RAMP3: variants seen among roughly 807,000 people sequenced by gnomAD.
The protein encoded by RAMP3 is receptor activity-modifying protein 3.
Under a neutral mutation model 13.5 loss-of-function variants are expected in RAMP3, and 14 were observed. The ratio of observed to expected loss-of-function variants is 1.04; its 90% CI spans 0.69 to 1.63. The LOEUF is 1.63. RAMP3 is among the 40% of genes most tolerant of loss of function. The pLI, the probability that RAMP3 is intolerant of heterozygous loss-of-function variation, is 0.00. For missense variants in RAMP3, 200 were observed against 204.8 expected, an observed-to-expected ratio of 0.98 and a Z score of 0.14; for synonymous variants, 106 against 88.3, an observed-to-expected ratio of 1.20 and a Z score of -1.12.
intron 1 of RAMP3, among the ~76,000 whole-genome samples, chr7:45,166,506 AT>A (rs1334368393): frequency 2.0e-5 from 3 of 151,938 alleles, no homozygotes; most frequent in Non-Finnish European, 2.9e-5. Context: ...TAATTGCTTT[AT>A]TTTTCCCTTT....
chr7:45,182,324 G>A (rs995088657), intron 2 of RAMP3, among the ~76,000 whole-genome samples: 4 of 152,184 alleles, frequency 2.6e-5, no homozygotes, highest in African/African-American at 9.6e-5. Flanking sequence ...TCCTGAATGA[G>A]TGGCTGCCAC....
chr7:45,157,945 G>A, intron 1 of RAMP3, 59 bp downstream of exon 1: 1 of 1,298,130 alleles, frequency 7.7e-7, no homozygotes, highest in Non-Finnish European at 9.8e-7. Flanking sequence ...CACCGGACCC[G>A]GGTGGACCCG....
chr7:45,170,143 T>C (rs1370146302), intron 1 of RAMP3, among the ~76,000 whole-genome samples: 1 of 127,574 alleles, frequency 7.8e-6, no homozygotes, highest in African/African-American at 3.3e-5. Context: ...TGTTGATCTT[T>C]TAAAAGCTTT....
chr7:45,175,239 G>A (rs751064162), intron 1 of RAMP3, among the ~76,000 whole-genome samples: 3 of 152,314 alleles, frequency 2.0e-5, no homozygotes, highest in Non-Finnish European at 4.4e-5. Flanking sequence ...TGAAACACCT[G>A]TTCTGGGAGA....
At position 45,171,550 on chromosome 7, in the gene RAMP3, T is replaced by C. The variant is rs906771329; in HGVS notation, c.59-5759T>C. On this transcript the variant is annotated intron_variant, in intron 1 of 2. Transcript: ENST00000242249. ...AGGCTTTAACAAAGTCTCATGTCTT[T>C]TTTGATTTTTTTTCTTTTTTTAAAA... Among the ~76,000 whole-genome samples the C allele has an allele frequency of 4.7e-4, 71 of 152,256 alleles. 1 individual carries two copies. The highest frequency in any genetic ancestry group is 1.3e-3 in the African/African-American group (56 of 41,578).
chr7:45,174,379 G>A (rs952417147), intron 1 of RAMP3, among the ~76,000 whole-genome samples: 12 of 152,144 alleles, frequency 7.9e-5, no homozygotes, highest in African/African-American at 1.9e-4. Flanking sequence ...TCATGTGTGC[G>A]GCTGGCCACT....
At chr7:45,167,908 G>T (rs771351216) in intron 1 of RAMP3, among the ~76,000 whole-genome samples, 2 of 151,960 alleles carry the variant, frequency 1.3e-5, no homozygotes, top group Non-Finnish European at 2.9e-5. Context: ...TTTCATGATT[G>T]TTTTGGCTAT....
intron 2 of RAMP3, among the ~76,000 whole-genome samples, chr7:45,180,761 G>A (rs997654166): frequency 1.3e-5 from 2 of 152,198 alleles, no homozygotes; most frequent in South Asian, 4.1e-4. Flanking sequence ...TGACTGGGGG[G>A]TTTGCCCGGC....
chr7:45,172,251 G>A (rs13243418), intron 1 of RAMP3, among the ~76,000 whole-genome samples: 39,948 of 152,130 alleles, frequency 0.26, 6,378 homozygotes, highest in African/African-American at 0.44. Context: ...AGGACTGGGA[G>A]CTGGGGTAGA....
Position 45,183,199 on chromosome 7 carries a change from T to A in RAMP3, c.234T>A (p.Asn78Lys), listed in dbSNP as rs1414687431. Residue 78 changes from asparagine to lysine, a missense_variant, in exon 3 of 3, where the codon AAT becomes AAA. Asn to Lys is a moderately conservative substitution (Grantham distance 94). Coordinates refer to ENST00000242249, the MANE Select transcript of RAMP3 (RefSeq NM_005856.3). ...SFTNCTEMEA[N>K]VVGCYWPNPL... The stretch of plus-strand genomic sequence containing the variant: ...CCAACTGCACCGAGATGGAGGCCAA[T>A]GTCGTGGGCTGCTACTGGCCCAACC... 2 of 1,613,160 alleles carry A rather than the reference T, an allele frequency of 1.2e-6. No individual in the cohort carries two copies. The highest frequency in any genetic ancestry group is 1.3e-5 in the African/African-American group (1 of 74,862).
At position 45,164,516 on chromosome 7, in the gene RAMP3, C is replaced by T. The variant is rs544328087; in HGVS notation, c.58+6630C>T. 2.6e-4 allele frequency among the ~76,000 whole-genome samples: 39 copies of T among 151,320 alleles called. 1 individual carries two copies. In the South Asian group the frequency reaches 7.7e-3, roughly 30 times the overall value. ...CACCACTGTACTCCAGCCTCGGTGACAGAGTGAGACTTTGTCTCAAAAGAA... is the reference window on the plus strand; with the variant it reads ...CACCACTGTACTCCAGCCTCGGTGATAGAGTGAGACTTTGTCTCAAAAGAA... On this transcript the variant is annotated intron_variant, in intron 1 of 2. Coordinates refer to ENST00000242249, the MANE Select transcript of RAMP3 (RefSeq NM_005856.3).
rs765813042 is a variant in RAMP3, at chr7:45,183,719, C to T, written c.*307C>T. The T allele has an allele frequency of 7.7e-5, 44 of 573,986 alleles. No homozygotes were observed. The highest frequency in any genetic ancestry group is 3.4e-4 in the East Asian group (12 of 34,990). 35.6% of individuals were successfully genotyped at this position (573,986 alleles called of 1,614,324 possible). On this transcript the variant is annotated 3_prime_UTR_variant, in exon 3 of 3. Coordinates refer to ENST00000242249, the MANE Select transcript of RAMP3 (RefSeq NM_005856.3). ...GCATCCTGTGCTCCGCAGGCTGGGC[C>T]GGAGCCTCTGCCCGCAGGTTTCTAT...
At chr7:45,160,496 G>C (rs1374382321) in intron 1 of RAMP3, among the ~76,000 whole-genome samples, 1 of 151,958 alleles carries the variant, frequency 6.6e-6, no homozygotes, top group African/African-American at 2.4e-5. Flanking sequence ...CTGGAGGTTA[G>C]AGAGGAAGTT....
At chr7:45,177,158 G>C in intron 1 of RAMP3, 151 bp from the exon 2 acceptor site, 1 of 939,516 alleles carries the variant, frequency 1.1e-6, no homozygotes, top group Admixed American at 2.6e-5. Context: ...GGTAGGTCAG[G>C]GTGGAGGGTG....
chr7:45,173,805 A>G (rs1786125053), intron 1 of RAMP3, among the ~76,000 whole-genome samples: 1 of 152,322 alleles, frequency 6.6e-6, no homozygotes, highest in African/African-American at 2.4e-5. Flanking sequence ...GGGGACTGTC[A>G]GCAGCTTTGC....
Position 45,157,860 on chromosome 7 carries a change from T to A in RAMP3, c.32T>A (p.Leu11His), listed in dbSNP as rs1197904223. The A allele has an allele frequency of 1.3e-5, 18 of 1,400,226 alleles. No homozygotes were observed. The highest frequency in any genetic ancestry group is 1.7e-5 in the Non-Finnish European group (18 of 1,083,672). The allele number at this position is 1,400,226 out of a possible 1,614,324, so 86.7% of individuals were successfully genotyped here. The change falls in exon 1 of 3, where the codon CTT (leucine) becomes CAT (histidine). Residue 11 changes from leucine (L) to histidine (H), a missense_variant. Transcript: ENST00000242249. Reference sequence around the variant, plus strand: ...ACTGGAGCGCTGCGGCGCCCGCAACTTCTCCCGTTGCTGCTGCTGCTCTGC... The same window carrying A: ...ACTGGAGCGCTGCGGCGCCCGCAACATCTCCCGTTGCTGCTGCTGCTCTGC... The part of the protein sequence containing the change: METGALRRPQ[L>H]LPLLLLLCGG...
At chr7:45,162,859 C>A (rs1299586216) in intron 1 of RAMP3, among the ~76,000 whole-genome samples, 2 of 152,188 alleles carry the variant, frequency 1.3e-5, no homozygotes, top group African/African-American at 4.8e-5. Context: ...CACCTAGAGC[C>A]TTCTGGCTCC....
In RAMP3 at chr7:45,184,167, C is replaced by T; in HGVS notation, c.*755C>T. ...GGGGCTCCTCTGTGGGTGAGGGGCC[C>T]TCTGGAATGGCATCCCATGAGCTTG... On this transcript the variant is annotated 3_prime_UTR_variant, in exon 3 of 3. Coordinates refer to ENST00000242249, the MANE Select transcript of RAMP3 (RefSeq NM_005856.3). 2.5e-6 allele frequency: 1 copy of T among 398,714 alleles called. No homozygotes were observed. Among genetic ancestry groups the T allele is most frequent in the Non-Finnish European group, 4.4e-6 (1 of 226,160 alleles). 24.7% of individuals were successfully genotyped at this position (398,714 alleles called of 1,614,324 possible).
At chr7:45,176,342 T>C (rs1398466780) in intron 1 of RAMP3, among the ~76,000 whole-genome samples, 1 of 151,962 alleles carries the variant, frequency 6.6e-6, no homozygotes, top group Non-Finnish European at 1.5e-5. Flanking sequence ...TGCTCATGTA[T>C]GCATACACAT....
Sources: gnomAD v4.1 joint callset for allele counts (sites outside exome capture counted in the v4.1 genomes callset) on GRCh38, gnomAD v4.1.1 for gene constraint, MANE v1.5 for transcripts, NCBI Gene and HGNC (gene_info 2026-07-23, HGNC 2026-07-21) for gene names.